CHRM5: variants seen among roughly 807,000 people sequenced by gnomAD.
CHRM5 encodes muscarinic acetylcholine receptor M5.
Under a neutral mutation model 39.0 loss-of-function variants are expected in CHRM5, and 18 were observed. That is an observed-to-expected ratio of 0.46 (90% CI 0.32 to 0.68). The LOEUF (loss-of-function observed/expected upper bound fraction) is 0.68. Ranked by LOEUF, CHRM5 falls within the 30% of genes least tolerant of loss-of-function variation. The probability of loss-of-function intolerance (pLI) is 0.04; values close to 1 mark genes in which losing one functional copy is unlikely to be tolerated. For synonymous variants in CHRM5, 241 were observed against 246.3 expected (o/e 0.98, Z 0.20); for missense variants, 515 against 651.1 (o/e 0.79, Z 2.28).
Position 34,063,723 on chromosome 15 carries a change from G to T in CHRM5, c.1006G>T (p.Glu336Ter), listed in dbSNP as rs773811120. The change falls in exon 3 of 3, where the codon GAA becomes TAA. Residue 336 changes from glutamate to a stop codon, truncating the protein, a stop_gained. Transcript: ENST00000383263. LOFTEE classifies it high-confidence loss of function. The surrounding 1 kb of genome is among the most constrained non-coding windows in gnomAD (Gnocchi z 4.1). ...KSQGKESPGEEFSAEETEETF... is the reference protein window; with the variant it reads ...KSQGKESPGE ...TCAGGGTAAGGAAAGCCCAGGGGAA[G>T]AATTCAGTGCTGAAGAGACTGAGGA... 3.1e-6 allele frequency: 5 copies of T among 1,614,238 alleles called. No homozygotes were observed. The highest frequency in any genetic ancestry group is 4.2e-6 in the Non-Finnish European group (5 of 1,180,050).
intron 1 of CHRM5, among the ~76,000 whole-genome samples, chr15:33,989,826 A>T (rs1896640966): frequency 6.6e-6 from 1 of 151,468 alleles, no homozygotes; most frequent in Admixed American, 6.6e-5. Flanking sequence ...TAATTTTTTT[A>T]AGGAGAGGTA....
intron 1 of CHRM5, chr15:33,990,857 G>A (rs966875793): frequency 1.3e-5 from 2 of 152,180 alleles, no homozygotes; most frequent in Non-Finnish European, 2.9e-5. Flanking sequence ...AATTCAACAG[G>A]TTAAATTACC....
chr15:33,983,130 G>C (rs1309158207), intron 1 of CHRM5, among the ~76,000 whole-genome samples: 1 of 97,212 alleles, frequency 1.0e-5, no homozygotes, highest in Non-Finnish European at 2.1e-5. Context: ...TCCATACTCT[G>C]TGTGTGTGTG....
intron 1 of CHRM5, chr15:34,018,440 C>A (rs1037148580): frequency 2.6e-5 from 4 of 152,248 alleles, no homozygotes; most frequent in African/African-American, 4.8e-5. Context: ...TCCCTGACTT[C>A]AGAAGTGAAG....
At chr15:33,993,620 T>A (rs57074162) in intron 1 of CHRM5, among the ~76,000 whole-genome samples, 13,754 of 152,166 alleles carry the variant, frequency 0.09, 717 homozygotes, top group South Asian at 0.21. Flanking sequence ...AATAAAAAAT[T>A]GATAATACAT....
intron 2 of CHRM5, among the ~76,000 whole-genome samples, chr15:34,049,472 T>C (rs1899849872): frequency 6.6e-6 from 1 of 152,180 alleles, no homozygotes; most frequent in Non-Finnish European, 1.5e-5. Context: ...GAAGACTATT[T>C]TTCTGAAATA....
At chr15:34,009,215 G>A (rs1027238867) in intron 1 of CHRM5, among the ~76,000 whole-genome samples, 4 of 151,830 alleles carry the variant, frequency 2.6e-5, no homozygotes, top group Admixed American at 6.6e-5. Context: ...TAAACAAAAC[G>A]TAAGAAAATT....
At chr15:34,055,132 C>T (rs1042377188) in intron 2 of CHRM5, among the ~76,000 whole-genome samples, 3 of 150,616 alleles carry the variant, frequency 2.0e-5, no homozygotes, top group African/African-American at 7.3e-5. Flanking sequence ...GCGGCGATTG[C>T]GGTGAGCCGA....
chr15:34,023,444 C>T (rs574371549), intron 1 of CHRM5, among the ~76,000 whole-genome samples: 2 of 152,258 alleles, frequency 1.3e-5, no homozygotes, highest in African/African-American at 2.4e-5. Flanking sequence ...TAATGATAGC[C>T]GATACACACC....
intron 1 of CHRM5, among the ~76,000 whole-genome samples, chr15:34,033,701 G>C (rs1898971194): frequency 6.6e-6 from 1 of 152,110 alleles, no homozygotes; most frequent in Non-Finnish European, 1.5e-5. Context: ...TGTTGAATAA[G>C]GTTCTGTGGG....
intron 1 of CHRM5, among the ~76,000 whole-genome samples, chr15:34,027,463 A>G (rs1898536261): frequency 6.7e-6 from 1 of 150,008 alleles, no homozygotes; most frequent in African/African-American, 2.4e-5. Context: ...CGGAAGGCAG[A>G]GGTTGCAGTG....
chr15:34,059,166 G>A (rs529418810), intron 2 of CHRM5, among the ~76,000 whole-genome samples: 1 of 149,420 alleles, frequency 6.7e-6, no homozygotes, highest in Admixed American at 6.6e-5. Context: ...CAAAGTGCTG[G>A]GATTACAGGC....
intron 2 of CHRM5, among the ~76,000 whole-genome samples, chr15:34,054,070 GA>G (rs899716941): frequency 1.6e-4 from 24 of 150,256 alleles, no homozygotes; most frequent in African/African-American, 5.4e-4. Context: ...CAAAAAACGT[GA>G]AAAAAAAACT....
intron 1 of CHRM5, among the ~76,000 whole-genome samples, chr15:34,037,109 CAAAAAA>C (rs59011779): frequency 7.3e-6 from 1 of 137,696 alleles, no homozygotes. Flanking sequence ...AACTCCGTCT[CAAAAAA>C]AAAAAAAAAA....
chr15:33,969,771 G>T (rs1474756453), intron 1 of CHRM5, among the ~76,000 whole-genome samples: 1 of 151,980 alleles, frequency 6.6e-6, no homozygotes, highest in Non-Finnish European at 1.5e-5. Context: ...TTCAACAAGA[G>T]GATAAAAAGA....
intron 1 of CHRM5, among the ~76,000 whole-genome samples, chr15:34,042,534 A>G (rs1242629452): frequency 2.6e-5 from 4 of 151,114 alleles, no homozygotes; most frequent in Non-Finnish European, 5.9e-5. Flanking sequence ...CTGAGTAGCT[A>G]GGATTACAGG....
At chr15:33,992,500 A>T (rs1470234037) in intron 1 of CHRM5, among the ~76,000 whole-genome samples, 1 of 152,218 alleles carries the variant, frequency 6.6e-6, no homozygotes, top group East Asian at 1.9e-4. Flanking sequence ...TTGGTTATCC[A>T]ATTGAAAATT....
chr15:34,038,546 C>A (rs114411704), intron 1 of CHRM5, among the ~76,000 whole-genome samples: 2 of 151,992 alleles, frequency 1.3e-5, no homozygotes, highest in South Asian at 2.1e-4. Context: ...CCTCCTACCC[C>A]CACTGTCTCG....
chr15:34,059,309 G>T (rs1597393609), intron 2 of CHRM5, among the ~76,000 whole-genome samples: 1 of 152,178 alleles, frequency 6.6e-6, no homozygotes, highest in Non-Finnish European at 1.5e-5. Flanking sequence ...AATTGCTTAT[G>T]ACCTGATAAT....
Sources: gnomAD v4.1 joint callset for allele counts (sites outside exome capture counted in the v4.1 genomes callset) on GRCh38, gnomAD v4.1.1 for gene constraint, Gnocchi (gnomAD v3.1) non-coding constraint, MANE v1.5 for transcripts, NCBI Gene and HGNC (gene_info 2026-07-23, HGNC 2026-07-21) for gene names.